Variants in VAV3 observed in about 807,000 individuals in gnomAD.
The protein encoded by VAV3 is vav guanine nucleotide exchange factor 3, also known as guanine nucleotide exchange factor VAV3.
A neutral mutation model predicts 131.2 loss-of-function variants in VAV3; 94 were observed. The ratio of observed to expected loss-of-function variants is 0.72; its 90% CI spans 0.61 to 0.85. The LOEUF (loss-of-function observed/expected upper bound fraction) is 0.85. Among genes scored for constraint, VAV3 ranks in the 40% least tolerant of loss-of-function variants. The probability of loss-of-function intolerance (pLI) is 0.00; values close to 1 mark genes in which losing one functional copy is unlikely to be tolerated. For synonymous variants in VAV3, 349 were observed against 342.0 expected (o/e 1.02, Z -0.22); for missense variants, 939 against 1,002.7 (o/e 0.94, Z 0.86).
intron 20 of VAV3, among the ~76,000 whole-genome samples, chr1:107,638,067 A>T (rs141693897): frequency 1.3e-5 from 2 of 152,336 alleles, no homozygotes; most frequent in East Asian, 1.9e-4. Context: ...CCTCAACTTA[A>T]TGAAGGGCAT....
chr1:107,814,117 G>T (rs1167361228), intron 2 of VAV3, among the ~76,000 whole-genome samples: 1 of 151,818 alleles, frequency 6.6e-6, no homozygotes, highest in East Asian at 1.9e-4. Context: ...TACACATGGG[G>T]GTGCAGGTAT....
intron 2 of VAV3, among the ~76,000 whole-genome samples, chr1:107,810,551 A>G (rs1667269370): frequency 6.6e-6 from 1 of 152,222 alleles, no homozygotes; most frequent in African/African-American, 2.4e-5. Flanking sequence ...ATAAAACATC[A>G]CAGTCCCATC....
intron 8 of VAV3, 77 bp downstream of exon 8, chr1:107,766,370 A>C (rs937517184): frequency 6.2e-5 from 58 of 930,602 alleles, no homozygotes; most frequent in Non-Finnish European, 9.0e-5. Context: ...AGTAATAGCT[A>C]TTTGTTAGCT....
At chr1:107,949,306 ATTT>A (rs869230431) in intron 1 of VAV3, among the ~76,000 whole-genome samples, 1 of 142,920 alleles carries the variant, frequency 7.0e-6, no homozygotes, top group South Asian at 2.3e-4. Flanking sequence ...CTTTTTGTTT[ATTT>A]TTGTTTGTTT....
chr1:107,717,671 T>G (rs1337609389), intron 15 of VAV3, among the ~76,000 whole-genome samples: 2 of 152,196 alleles, frequency 1.3e-5, no homozygotes, highest in Non-Finnish European at 2.9e-5. Flanking sequence ...TGTGGTCAAT[T>G]TTGGAATAAG....
intron 19 of VAV3, chr1:107,672,271 A>G (rs1382613178): frequency 1.6e-5 from 2 of 123,486 alleles, no homozygotes; most frequent in African/African-American, 8.2e-5. Context: ...TCTGTCTCAA[A>G]AAAAAAAAAA....
At chr1:107,691,600 A>G (rs1659428970) in intron 17 of VAV3, among the ~76,000 whole-genome samples, 2 of 152,154 alleles carry the variant, frequency 1.3e-5, no homozygotes, top group East Asian at 1.9e-4. Flanking sequence ...CAATTCTTCA[A>G]GTTTCCAAAA....
intron 2 of VAV3, among the ~76,000 whole-genome samples, chr1:107,853,795 C>T (rs540009422): frequency 6.6e-6 from 1 of 152,236 alleles, no homozygotes; most frequent in African/African-American, 2.4e-5. Context: ...TGACAATGTC[C>T]TTAAGTAAAC....
chr1:107,951,843 G>C (rs546056748), intron 1 of VAV3, among the ~76,000 whole-genome samples: 1 of 151,862 alleles, frequency 6.6e-6, no homozygotes, highest in East Asian at 1.9e-4. Context: ...AGATTATGGA[G>C]AAAAAGAAAC....
rs1665403694 is a variant in VAV3, at chr1:107,777,122, T to C, written c.446+109A>G. 6.9e-5 allele frequency: 67 copies of C among 968,586 alleles called. 1 individual carries two copies. In the South Asian group the frequency reaches 8.8e-4, roughly 13 times the overall value. The allele number at this position is 968,586 out of a possible 1,614,324, so 60.0% of individuals were successfully genotyped here. A position where few individuals can be genotyped will look rare whatever the true frequency, so the allele number is the denominator to read the frequency against. On this transcript the variant is annotated intron_variant, in intron 4 of 26. Transcript: ENST00000370056. ...CGCCAGTTTAAGGTTAATCAGTAATTAAGCCACTTTTCCTCCTTCAGATAG... is the reference window on the plus strand; with the variant it reads ...CGCCAGTTTAAGGTTAATCAGTAATCAAGCCACTTTTCCTCCTTCAGATAG...
Position 107,688,590 on chromosome 1 carries a change from T to C in VAV3, c.1706-184A>G, listed in dbSNP as rs542249486. The C allele has an allele frequency of 5.2e-5, 75 of 1,453,912 alleles. No individual in the cohort carries two copies. The African/African-American group carries it at 7.1e-4, about 14-fold the overall frequency. 90.1% of individuals were successfully genotyped at this position (1,453,912 alleles called of 1,614,324 possible). A position where few individuals can be genotyped will look rare whatever the true frequency, so the allele number is the denominator to read the frequency against. ...TTTTGCAACCTTGGTTCTCTTACCC[T>C]ATTGGCTTGTCAGGAAAGTGACTCA... On this transcript the variant is annotated intron_variant, in intron 17 of 26. Transcript: ENST00000370056.
At chr1:107,669,046 A>G (rs1368919310) in intron 19 of VAV3, 1 of 1,057,382 alleles carries the variant, frequency 9.5e-7, no homozygotes, top group Non-Finnish European at 1.1e-6. Flanking sequence ...GAAAGTCAGG[A>G]GCTGCTAAGA....
At chr1:107,795,677 A>T (rs941736308) in intron 2 of VAV3, among the ~76,000 whole-genome samples, 1 of 152,248 alleles carries the variant, frequency 6.6e-6, no homozygotes, top group African/African-American at 2.4e-5. Context: ...GGCAGCCCAG[A>T]CTCAAACATT....
At chr1:107,890,191 G>A (rs1028728500) in intron 1 of VAV3, among the ~76,000 whole-genome samples, 7 of 151,868 alleles carry the variant, frequency 4.6e-5, no homozygotes, top group Non-Finnish European at 5.9e-5. Context: ...TACATATATC[G>A]GAGTCCACAG....
chr1:107,852,816 CA>C (rs1669288033), intron 2 of VAV3, among the ~76,000 whole-genome samples: 1 of 152,124 alleles, frequency 6.6e-6, no homozygotes, highest in South Asian at 2.1e-4. Flanking sequence ...TAGACCATGA[CA>C]AATCCTAACC....
chr1:107,715,769 A>C (rs763113563), intron 15 of VAV3, among the ~76,000 whole-genome samples: 3 of 152,212 alleles, frequency 2.0e-5, no homozygotes, highest in Non-Finnish European at 2.9e-5. Flanking sequence ...CCATGTAAGA[A>C]ATCAATTCTA....
rs1274873862 is a variant in VAV3, at chr1:107,933,828, A to AAT, written c.204+30837_204+30838insAT. ...GAGACCCTTCTCAAAAAAAAAAAAA[A>AAT]AAAAATTAAATCTCATTACTTGAAA... is the stretch of plus-strand genomic sequence containing the variant. On this transcript the variant is annotated intron_variant, in intron 1 of 26. Coordinates refer to ENST00000370056, the MANE Select transcript of VAV3 (RefSeq NM_006113.5). Among the ~76,000 whole-genome samples the AAT allele has an allele frequency of 4.0e-5, 6 of 151,778 alleles. 1 individual carries two copies. The highest frequency in any genetic ancestry group is 1.3e-4 in the Admixed American group (2 of 15,198).
At chr1:107,610,053 T>C in intron 21 of VAV3, 88 bp from the exon 22 acceptor site, 1 of 1,271,062 alleles carries the variant, frequency 7.9e-7, no homozygotes, top group Non-Finnish European at 1.1e-6. Flanking sequence ...CTGACTCAGC[T>C]CTATAAAACC....
intron 1 of VAV3, among the ~76,000 whole-genome samples, chr1:107,952,015 G>A (rs560408720): frequency 2.0e-5 from 3 of 152,142 alleles, no homozygotes; most frequent in South Asian, 4.2e-4. Context: ...AAAGACACAC[G>A]TACACATATG....
Sources: gnomAD v4.1 joint callset for allele counts (sites outside exome capture counted in the v4.1 genomes callset) on GRCh38, gnomAD v4.1.1 for gene constraint, MANE v1.5 for transcripts, NCBI Gene and HGNC (gene_info 2026-07-23, HGNC 2026-07-21) for gene names.